Variants in ARHGAP8 observed in about 807,000 individuals in gnomAD.
ARHGAP8 encodes rho GTPase-activating protein 8.
ARHGAP8 carries 62 observed loss-of-function variants against 46.1 expected under a neutral mutation model. That is an observed-to-expected ratio of 1.34 (90% CI 1.10 to 1.66). The LOEUF (loss-of-function observed/expected upper bound fraction) is 1.66. Ranked by LOEUF, ARHGAP8 falls within the 40% of genes most tolerant of loss-of-function variation. The probability of loss-of-function intolerance (pLI) is 0.00; values close to 1 mark genes in which losing one functional copy is unlikely to be tolerated. For synonymous variants in ARHGAP8, 375 were observed against 243.1 expected (o/e 1.54, Z -5.05); for missense variants, 923 against 568.4 (o/e 1.62, Z -6.34).
chr22:44,851,379 C>T (rs2070089032), intron 10 of ARHGAP8, among the ~76,000 whole-genome samples: 1 of 151,394 alleles, frequency 6.6e-6, no homozygotes, highest in East Asian at 1.9e-4. Flanking sequence ...TTACATGACA[C>T]AGGAGCCTTT....
intron 1 of ARHGAP8, among the ~76,000 whole-genome samples, chr22:44,754,338 T>G (rs1924492153): frequency 6.8e-6 from 1 of 146,528 alleles, no homozygotes; most frequent in Admixed American, 6.8e-5. Context: ...CATTGAAACT[T>G]TGTGTGTGTG....
chr22:44,836,313 G>T (rs563142137), intron 7 of ARHGAP8, among the ~76,000 whole-genome samples: 3 of 151,840 alleles, frequency 2.0e-5, no homozygotes, highest in Admixed American at 1.3e-4. Context: ...TAATGTTCCT[G>T]CCTCAGCCTC....
chr22:44,856,963 G>A (rs1306419632), intron 10 of ARHGAP8, among the ~76,000 whole-genome samples: 1 of 140,254 alleles, frequency 7.1e-6, no homozygotes, highest in Non-Finnish European at 1.5e-5. Context: ...TTTTTGAGAC[G>A]GAGTTTTGCT....
intron 7 of ARHGAP8, among the ~76,000 whole-genome samples, chr22:44,829,306 A>AG (rs1272417419): frequency 6.6e-6 from 1 of 151,658 alleles, no homozygotes; most frequent in Non-Finnish European, 1.5e-5. Flanking sequence ...AGAAAAAAAA[A>AG]AAAGAAAAAG....
chr22:44,778,933 T>C (rs1926617763), intron 1 of ARHGAP8, among the ~76,000 whole-genome samples: 1 of 98,200 alleles, frequency 1.0e-5, no homozygotes, highest in South Asian at 4.1e-4. Flanking sequence ...ACAAACATGT[T>C]AATGATTTTC....
chr22:44,774,683 T>C (rs1035644048), intron 1 of ARHGAP8, among the ~76,000 whole-genome samples: 2 of 151,768 alleles, frequency 1.3e-5, no homozygotes, highest in Non-Finnish European at 2.9e-5. Context: ...CCACCACACC[T>C]GGCTAATTTT....
intron 2 of ARHGAP8, among the ~76,000 whole-genome samples, chr22:44,791,423 G>T (rs150188150): frequency 8.5e-5 from 13 of 152,086 alleles, no homozygotes; most frequent in Non-Finnish European, 1.3e-4. Context: ...ACCCAGCTTC[G>T]CCGGGCGCAG....
intron 10 of ARHGAP8, among the ~76,000 whole-genome samples, chr22:44,857,453 A>G (rs6007330): frequency 0.15 from 22,674 of 152,094 alleles, 2,200 homozygotes; most frequent in African/African-American, 0.28. Flanking sequence ...CAAGAGAAAA[A>G]CATACCAGTT....
chr22:44,858,485 A>G (rs1261879833), intron 10 of ARHGAP8, among the ~76,000 whole-genome samples: 1 of 140,248 alleles, frequency 7.1e-6, no homozygotes, highest in Admixed American at 7.1e-5. Context: ...CTCCAGCTTC[A>G]GCCTCCCATG....
rs150694341 is a variant in ARHGAP8 at position 44,826,108 on chromosome 22, A to G, written c.596+515A>G. On this transcript the variant is annotated intron_variant, in intron 7 of 11. Coordinates refer to ENST00000356099, the MANE Select transcript of ARHGAP8 (RefSeq NM_181335.3). ...GTGGTCATGGGATGTGCTTAGGTGT[A>G]GGTGTGGGGTGTGTCGTGCTAGGAG... 7.0e-4 allele frequency among the ~76,000 whole-genome samples: 107 copies of G among 152,058 alleles called. 1 individual carries two copies. Among genetic ancestry groups the G allele is most frequent in the Middle Eastern group, 3.4e-3 (1 of 294 alleles).
At chr22:44,772,352 CTT>C (rs58041776) in intron 1 of ARHGAP8, among the ~76,000 whole-genome samples, 5 of 92,410 alleles carry the variant, frequency 5.4e-5, no homozygotes, top group East Asian at 3.1e-4. Context: ...TTTCTTTTTT[CTT>C]TTTTTTTTTT....
intron 2 of ARHGAP8, among the ~76,000 whole-genome samples, chr22:44,798,157 G>A (rs1297463802): frequency 6.6e-6 from 1 of 151,304 alleles, no homozygotes; most frequent in Non-Finnish European, 1.5e-5. Flanking sequence ...TTTATTTTTA[G>A]TAGAGATGGG....
At chr22:44,776,977 ATGCTGTTCC>A (rs968050665) in intron 1 of ARHGAP8, among the ~76,000 whole-genome samples, 2 of 151,982 alleles carry the variant, frequency 1.3e-5, no homozygotes. Context: ...TCCTCCTGCA[ATGCTGTTCC>A]TGCTGTTTCT....
chr22:44,860,965 G>A (rs937706968), intron 11 of ARHGAP8, among the ~76,000 whole-genome samples: 3 of 150,950 alleles, frequency 2.0e-5, no homozygotes, highest in Non-Finnish European at 2.9e-5. Context: ...CCTGTTGCTT[G>A]ACATAATTTC....
chr22:44,822,309 C>A (rs1423475821), intron 5 of ARHGAP8, 62 bp from the exon 6 acceptor site: 20 of 1,445,996 alleles, frequency 1.4e-5, no homozygotes, highest in Non-Finnish European at 1.8e-5. Context: ...TCCCTCCCTG[C>A]AACCCTCGGC....
intron 2 of ARHGAP8, among the ~76,000 whole-genome samples, chr22:44,800,255 CA>C: frequency 6.6e-6 from 1 of 152,036 alleles, no homozygotes; most frequent in East Asian, 1.9e-4. Context: ...AGACATGTGC[CA>C]CCACGCCTGG....
At chr22:44,828,385 G>A (rs1197565549) in intron 7 of ARHGAP8, among the ~76,000 whole-genome samples, 1 of 151,054 alleles carries the variant, frequency 6.6e-6, no homozygotes, top group African/African-American at 2.4e-5. Context: ...GGGCACTGGT[G>A]AGAACTCAGC....
At chr22:44,786,918 G>C (rs772008556) in intron 2 of ARHGAP8, among the ~76,000 whole-genome samples, 9 of 151,980 alleles carry the variant, frequency 5.9e-5, no homozygotes, top group Non-Finnish European at 1.0e-4. Flanking sequence ...TTGCGGGGCT[G>C]AGGTGGGAAG....
At chr22:44,788,917 A>G (rs1009636669) in intron 2 of ARHGAP8, among the ~76,000 whole-genome samples, 3 of 152,190 alleles carry the variant, frequency 2.0e-5, no homozygotes, top group African/African-American at 7.2e-5. Flanking sequence ...GCACGTGGAA[A>G]GAATGTATGT....
Sources: allele counts gnomAD v4.1 joint callset (sites outside exome capture counted in the v4.1 genomes callset), GRCh38; gene constraint gnomAD v4.1.1; transcripts MANE v1.5; gene names NCBI Gene and HGNC (gene_info 2026-07-23, HGNC 2026-07-21).